The following FBLN2 variants were observed in gnomAD, a reference collection of about 807,000 sequenced individuals.
FBLN2 encodes fibulin 2, also known as fibulin-2.
A neutral mutation model predicts 123.7 loss-of-function variants in FBLN2; 81 were observed. That is an observed-to-expected ratio of 0.65 (90% CI 0.55 to 0.79). The LOEUF (loss-of-function observed/expected upper bound fraction) is 0.79, where lower values mean the gene tolerates loss of function less well. Ranked by LOEUF, FBLN2 falls within the 30% of genes least tolerant of loss-of-function variation. The probability of loss-of-function intolerance (pLI) is 0.00; values close to 1 mark genes in which losing one functional copy is unlikely to be tolerated. For synonymous variants in FBLN2, 699 were observed against 701.4 expected (o/e 1.00, Z 0.05); for missense variants, 1,603 against 1,681.3 (o/e 0.95, Z 0.81).
chr3:13,621,883 G>A lies in FBLN2; in HGVS notation c.2264G>A (p.Gly755Asp), dbSNP rs887012291. 8 of 1,613,778 alleles carry A rather than the reference G, an allele frequency of 5.0e-6. No homozygotes were observed. The highest frequency in any genetic ancestry group is 6.8e-6 in the Non-Finnish European group (8 of 1,179,822). Residue 755 changes from glycine to aspartate, a missense_variant, in exon 9 of 18, where the codon GGC (glycine) becomes GAC (aspartate). Gly to Asp is a moderately conservative substitution (Grantham distance 94). Transcript: ENST00000404922. ...CVNHTVLCADGYILNAHRKCV... is the reference protein window; with the variant it reads ...CVNHTVLCADDYILNAHRKCV... Reference sequence around the variant, plus strand: ...AACCACACAGTGCTCTGTGCCGATGGCTATATCCTCAATGCGCACAGGAAG... The same window carrying A: ...AACCACACAGTGCTCTGTGCCGATGACTATATCCTCAATGCGCACAGGAAG...
chr3:13,630,790 G>A lies in FBLN2; in HGVS notation c.3060G>A (p.Leu1020=). ...YQCYCRQGYQ[L]AEDGHTCTDI... Reference sequence around the variant, plus strand: ...GCTACTGCCGCCAGGGCTACCAGCTGGCTGAGGATGGGCACACCTGCACAG... The same window carrying A: ...GCTACTGCCGCCAGGGCTACCAGCTAGCTGAGGATGGGCACACCTGCACAG... Residue 1020 remains leucine, a synonymous_variant, in exon 15 of 18, where the codon CTG becomes CTA. Transcript: ENST00000404922. 6.2e-7 allele frequency: 1 copy of A among 1,606,364 alleles called. No homozygotes were observed. Among genetic ancestry groups the A allele is most frequent in the Non-Finnish European group, 8.5e-7 (1 of 1,176,702 alleles).
rs1703896098 is a variant in FBLN2, at chr3:13,570,438, C to T, written c.83C>T (p.Ala28Val). Residue 28 changes from alanine to valine, a missense_variant, in exon 2 of 18, where the codon GCC (alanine) becomes GTC (valine). Ala to Val is a moderately conservative substitution (Grantham distance 64, BLOSUM62 0). Transcript: ENST00000404922. ...LALGPSVAAAAPRQDCTGVEC... is the reference protein window; with the variant it reads ...LALGPSVAAAVPRQDCTGVEC... ...CTGGGCCCCAGCGTGGCCGCAGCTGCCCCTCGGCAGGACTGCACGGGCGTG... is the reference window on the plus strand; with the variant it reads ...CTGGGCCCCAGCGTGGCCGCAGCTGTCCCTCGGCAGGACTGCACGGGCGTG... 1.3e-6 allele frequency: 2 copies of T among 1,573,366 alleles called. No homozygotes were observed. Among genetic ancestry groups the T allele is most frequent in the East Asian group, 2.3e-5 (1 of 42,852 alleles).
intron 2 of FBLN2, among the ~76,000 whole-genome samples, chr3:13,591,080 C>T (rs913131648): frequency 6.6e-6 from 1 of 152,236 alleles, no homozygotes. Flanking sequence ...GGTTGCCATT[C>T]TTTGTAATTT....
chr3:13,580,756 C>A (rs890460118), intron 2 of FBLN2, among the ~76,000 whole-genome samples: 1 of 152,228 alleles, frequency 6.6e-6, no homozygotes, highest in South Asian at 2.1e-4. Flanking sequence ...GGACACACCT[C>A]GGCCATGTAT....
intron 16 of FBLN2, among the ~76,000 whole-genome samples, chr3:13,631,763 G>C (rs1376542534): frequency 6.6e-6 from 1 of 152,234 alleles, no homozygotes; most frequent in Non-Finnish European, 1.5e-5. Context: ...AGCCTGCCCA[G>C]TGAGGAGACG....
chr3:13,618,937 A>G lies in FBLN2; in HGVS notation c.1973A>G (p.Glu658Gly). The G allele has an allele frequency of 6.2e-7, 1 of 1,613,514 alleles. No homozygotes were observed. Reference protein sequence around the residue: ...GHPPQPEAPQEPALKSEFSQV... With the variant: ...GHPPQPEAPQGPALKSEFSQV... ...CCTCCACAGCCGGAAGCCCCACAGGAGCCTGCACTGAAGTCAGAATTTTCC... is the reference window on the plus strand; with the variant it reads ...CCTCCACAGCCGGAAGCCCCACAGGGGCCTGCACTGAAGTCAGAATTTTCC... The change falls in exon 7 of 18, where the codon GAG becomes GGG. Residue 658 changes from glutamate (E) to glycine (G), a missense_variant. By Grantham distance (98) the Glu-to-Gly change is moderately conservative. Transcript: ENST00000404922.
At chr3:13,606,191 A>G (rs1270296723) in intron 2 of FBLN2, among the ~76,000 whole-genome samples, 1 of 152,110 alleles carries the variant, frequency 6.6e-6, no homozygotes, top group Non-Finnish European at 1.5e-5. Flanking sequence ...GAACCACCAC[A>G]TCTGGCCTAA....
Position 13,629,146 on chromosome 3 carries a change from C to G in FBLN2, c.2714-18C>G, listed in dbSNP as rs201165642. 1.2e-5 allele frequency: 19 copies of G among 1,612,654 alleles called. No individual in the cohort carries two copies. Among genetic ancestry groups the G allele is most frequent in the Admixed American group, 1.7e-5 (1 of 59,954 alleles). On this transcript the variant is annotated intron_variant, in intron 12 of 17. Coordinates refer to ENST00000404922, the MANE Select transcript of FBLN2 (RefSeq NM_001004019.2). ...GAGGGAGCCCCAGGCCTCAAGGTAC[C>G]CTGCTCACCCCCCACAGACGTGAAT...
intron 1 of FBLN2, among the ~76,000 whole-genome samples, chr3:13,569,838 T>C (rs1052173639): frequency 7.9e-5 from 5 of 63,590 alleles, no homozygotes; most frequent in Admixed American, 3.4e-4. Context: ...CGTGGGACTG[T>C]GCGTGTGAGA....
chr3:13,608,309 T>C (rs1377710956), intron 3 of FBLN2, 136 bp downstream of exon 3: 1 of 661,566 alleles, frequency 1.5e-6, no homozygotes, highest in African/African-American at 1.8e-5. Context: ...GGTGATTGGG[T>C]GTGGCTGCCG....
chr3:13,619,644 T>G, intron 7 of FBLN2, 86 bp from the exon 8 acceptor site: 1 of 1,080,290 alleles, frequency 9.3e-7, no homozygotes, highest in Admixed American at 2.2e-5. Flanking sequence ...GTCTCACTAG[T>G]AGGTTAGAGC....
rs1175306890 is a variant in FBLN2 at position 13,618,216 on chromosome 3, G to A, written c.1870G>A (p.Val624Met). 6.2e-7 allele frequency: 1 copy of A among 1,613,930 alleles called. No individual in the cohort carries two copies. The highest frequency in any genetic ancestry group is 2.2e-5 in the East Asian group (1 of 44,880). Reference sequence around the variant, plus strand: ...GTGCCAGCACCTTTGCATCAATACTGTGGGTTCTTACCACTGTGCCTGCTT... The same window carrying A: ...GTGCCAGCACCTTTGCATCAATACTATGGGTTCTTACCACTGTGCCTGCTT... ...ELCQHLCINT[V>M]GSYHCACFPG... The change falls in exon 6 of 18, where the codon GTG becomes ATG. Residue 624 changes from valine to methionine, a missense_variant. Val to Met is a conservative substitution (Grantham distance 21). Coordinates refer to ENST00000404922, the MANE Select transcript of FBLN2 (RefSeq NM_001004019.2).
chr3:13,618,372 G>T (rs897106886), intron 6 of FBLN2, 87 bp downstream of exon 6: 21 of 1,246,090 alleles, frequency 1.7e-5, no homozygotes, highest in South Asian at 2.7e-5. Context: ...ACACTGTGGG[G>T]TCCTTCACTT....
intron 1 of FBLN2, among the ~76,000 whole-genome samples, chr3:13,555,000 T>G (rs1160960826): frequency 6.6e-6 from 1 of 151,508 alleles, no homozygotes; most frequent in Non-Finnish European, 1.5e-5. Flanking sequence ...TCACCCAGGC[T>G]GGAGTGCAGT....
Position 13,619,034 on chromosome 3 carries a change from G to T in FBLN2, c.2053+17G>T. The stretch of plus-strand genomic sequence containing the variant: ...CCTGCAAAGGTAAGCAGTGTGGGTG[G>T]TGTCTCCAGGACAGGGCCCAGGGTC... On this transcript the variant is annotated intron_variant, in intron 7 of 17. Coordinates refer to ENST00000404922, the MANE Select transcript of FBLN2 (RefSeq NM_001004019.2). 1 of 1,585,962 alleles carries T rather than the reference G, an allele frequency of 6.3e-7. No homozygotes were observed. Among genetic ancestry groups the T allele is most frequent in the Non-Finnish European group, 8.6e-7 (1 of 1,162,438 alleles).
At chr3:13,608,484 T>G (rs1032349296) in intron 3 of FBLN2, among the ~76,000 whole-genome samples, 1 of 152,242 alleles carries the variant, frequency 6.6e-6, no homozygotes, top group Non-Finnish European at 1.5e-5. Flanking sequence ...AGTCGGGTGC[T>G]CCCCTCACCA....
Position 13,638,242 on chromosome 3 carries a change from C to G in FBLN2, c.*323C>G, listed in dbSNP as rs77983433. ...GGCTCTTGGACTCCTCTGGATGACC[C>G]GTCCCCAAAGTTGACATTCCATTTC... On this transcript the variant is annotated 3_prime_UTR_variant, in exon 18 of 18. Transcript: ENST00000404922. 17 of 563,092 alleles carry G rather than the reference C, an allele frequency of 3.0e-5. No individual in the cohort carries two copies. Among genetic ancestry groups the G allele is most frequent in the Non-Finnish European group, 5.2e-5 (16 of 308,482 alleles). The allele number at this position is 563,092 out of a possible 1,614,324, so 34.9% of individuals were successfully genotyped here.
chr3:13,605,804 C>T (rs1356678304), intron 2 of FBLN2, among the ~76,000 whole-genome samples: 1 of 152,196 alleles, frequency 6.6e-6, no homozygotes, highest in Non-Finnish European at 1.5e-5. Flanking sequence ...AGTCTCCTCT[C>T]CCACCCTAGA....
At chr3:13,581,562 G>A (rs1328167413) in intron 2 of FBLN2, among the ~76,000 whole-genome samples, 1 of 152,138 alleles carries the variant, frequency 6.6e-6, no homozygotes, top group African/African-American at 2.4e-5. Context: ...GAACTAGCAG[G>A]GCCGCTGCTT....
Sources: gnomAD v4.1 joint callset for allele counts (sites outside exome capture counted in the v4.1 genomes callset) on GRCh38, gnomAD v4.1.1 for gene constraint, MANE v1.5 for transcripts, NCBI Gene and HGNC (gene_info 2026-07-23, HGNC 2026-07-21) for gene names.